Variants in GARIN1B observed in about 807,000 individuals in gnomAD.
GARIN1B encodes the protein golgi associated RAB2 interactor 1B.
At chr7:128,719,188 C>T in the GARIN1B span, 1 of 1,186,542 alleles carries the variant, frequency 8.4e-7, no homozygotes, top group Non-Finnish European at 1.2e-6. Context: ...CAGTGTGAGG[C>T]CTTTTCTAAA....
At chr7:128,729,204 G>A in the GARIN1B span, among the ~76,000 whole-genome samples, 5 of 152,118 alleles carry the variant, frequency 3.3e-5, no homozygotes, top group East Asian at 9.7e-4. Flanking sequence ...TAAAAAGACT[G>A]TTATACCCCA....
At chr7:128,718,931 C>T in the GARIN1B span, 1 of 1,614,218 alleles carries the variant, frequency 6.2e-7, no homozygotes, top group Non-Finnish European at 8.5e-7. Context: ...CCTAAAGCTC[C>T]ATCCTGACCA....
At chr7:128,721,864 G>A in the GARIN1B span, among the ~76,000 whole-genome samples, 1 of 152,092 alleles carries the variant, frequency 6.6e-6, no homozygotes, top group Non-Finnish European at 1.5e-5. Flanking sequence ...AGATGATTAT[G>A]TGGTTTGTCC....
At chr7:128,717,925 A>G in the GARIN1B span, among the ~76,000 whole-genome samples, 1 of 152,110 alleles carries the variant, frequency 6.6e-6, no homozygotes, top group Non-Finnish European at 1.5e-5. Context: ...CAAAAGTCCA[A>G]GAAAACCCTT....
At chr7:128,730,010 C>G in the GARIN1B span, 2 of 1,614,196 alleles carry the variant, frequency 1.2e-6, no homozygotes, top group Non-Finnish European at 1.7e-6. Flanking sequence ...GGCCTGCAGC[C>G]CCTCTCACTA....
At chr7:128,714,812 C>T in the GARIN1B span, among the ~76,000 whole-genome samples, 2 of 152,126 alleles carry the variant, frequency 1.3e-5, no homozygotes, top group Admixed American at 6.6e-5. Context: ...AGCCAGCGCC[C>T]TGACAAAGCC....
At chr7:128,731,619 A>G in the GARIN1B span, 1 of 167,106 alleles carries the variant, frequency 6.0e-6, no homozygotes, top group African/African-American at 2.4e-5. Context: ...AACAAAAAAA[A>G]GAAATGTTTT....
At chr7:128,717,436 C>T in the GARIN1B span, among the ~76,000 whole-genome samples, 1 of 142,220 alleles carries the variant, frequency 7.0e-6, no homozygotes, top group Non-Finnish European at 1.5e-5. Flanking sequence ...TTTTCTTTTT[C>T]TTTCTTTCTT....
At chr7:128,720,645 A>C in the GARIN1B span, among the ~76,000 whole-genome samples, 1 of 152,174 alleles carries the variant, frequency 6.6e-6, no homozygotes, top group East Asian at 1.9e-4. Context: ...TTATGTATGG[A>C]ATGAGGTAAT....
At chr7:128,719,204 T>G in the GARIN1B span, 1 of 875,684 alleles carries the variant, frequency 1.1e-6, no homozygotes, top group Non-Finnish European at 1.7e-6. Context: ...CTAAACAGCT[T>G]TATTGAGTAT....
the GARIN1B span, among the ~76,000 whole-genome samples, chr7:128,730,605 G>T: frequency 6.6e-6 from 1 of 152,044 alleles, no homozygotes; most frequent in African/African-American, 2.4e-5. Flanking sequence ...TAAAAGGGAG[G>T]GGTGATTTCT....
At chr7:128,727,275 A>T in the GARIN1B span, among the ~76,000 whole-genome samples, 1 of 152,198 alleles carries the variant, frequency 6.6e-6, no homozygotes, top group Non-Finnish European at 1.5e-5. Flanking sequence ...GAAGTTTATA[A>T]TTTGGTGGTG....
At chr7:128,715,656 T>C in the GARIN1B span, 2 of 1,614,170 alleles carry the variant, frequency 1.2e-6, no homozygotes, top group South Asian at 1.1e-5. Context: ...AACCTGTTTC[T>C]TGACTCCGTG....
At chr7:128,718,172 C>A in the GARIN1B span, among the ~76,000 whole-genome samples, 1 of 152,148 alleles carries the variant, frequency 6.6e-6, no homozygotes, top group Non-Finnish European at 1.5e-5. Context: ...GTGGCTCGTG[C>A]CTGTAATCCC....
the GARIN1B span, chr7:128,713,875 A>G: frequency 2.2e-6 from 2 of 904,198 alleles, no homozygotes; most frequent in Non-Finnish European, 3.3e-6. Context: ...ACAGCAACGT[A>G]TCAATTTATT....
At chr7:128,720,998 AAAAACCTGTTAGAATTTTGATAAGC>A in the GARIN1B span, among the ~76,000 whole-genome samples, 1 of 151,534 alleles carries the variant, frequency 6.6e-6, no homozygotes, top group Non-Finnish European at 1.5e-5. Context: ...TCCACAAAAA[AAAAACCTGTTAGAATTTTGATAAGC>A]ACATGTTGAA....
At chr7:128,718,968 T>C in the GARIN1B span, 1 of 1,614,202 alleles carries the variant, frequency 6.2e-7, no homozygotes, top group Non-Finnish European at 8.5e-7. Flanking sequence ...CACTTCTGGA[T>C]CCGACTGGTT....
the GARIN1B span, chr7:128,718,846 G>A: frequency 2.5e-6 from 4 of 1,613,908 alleles, no homozygotes; most frequent in African/African-American, 4.0e-5. Context: ...TCCCATTGAG[G>A]TTTGTGGAGC....
the GARIN1B span, chr7:128,723,260 G>T: frequency 3.1e-6 from 5 of 1,613,200 alleles, no homozygotes; most frequent in South Asian, 4.4e-5. Flanking sequence ...AATGACCAAG[G>T]GGGAGAGTGA....
Sources: allele counts gnomAD v4.1 joint callset (sites outside exome capture counted in the v4.1 genomes callset), GRCh38; gene constraint gnomAD v4.1.1; transcripts MANE v1.5; gene names NCBI Gene and HGNC (gene_info 2026-07-23, HGNC 2026-07-21).